Variants in CDK17 observed in about 807,000 individuals in gnomAD.
The protein encoded by CDK17 is cyclin dependent kinase 17.
Under a neutral mutation model 77.6 loss-of-function variants are expected in CDK17, and 24 were observed. That is an observed-to-expected ratio of 0.31 (90% CI 0.22 to 0.44). The LOEUF is 0.44. Among genes scored for constraint, CDK17 ranks in the 20% least tolerant of loss-of-function variants. The pLI is 1.00. For synonymous variants in CDK17, 203 were observed against 210.4 expected, an observed-to-expected ratio of 0.96 and a Z score of 0.30; for missense variants, 429 against 622.5, an observed-to-expected ratio of 0.69 and a Z score of 3.31.
chr12:96,392,964 C>T (rs1183453933), intron 1 of CDK17, among the ~76,000 whole-genome samples: 1 of 152,092 alleles, frequency 6.6e-6, no homozygotes, highest in Non-Finnish European at 1.5e-5. Flanking sequence ...ACGGCTAATA[C>T]AATATTGAGG....
chr12:96,385,237 G>A (rs1433356645), intron 1 of CDK17, among the ~76,000 whole-genome samples: 1 of 111,734 alleles, frequency 8.9e-6, no homozygotes. Context: ...GCTTGAACCC[G>A]GGAGGCGGAG....
intron 1 of CDK17, among the ~76,000 whole-genome samples, chr12:96,388,615 T>C (rs1954014263): frequency 6.6e-6 from 1 of 152,234 alleles, no homozygotes. Flanking sequence ...AACAATTTTA[T>C]TACCACTACC....
At chr12:96,291,628 C>CTTTTTTT (rs1164677307) in intron 10 of CDK17, among the ~76,000 whole-genome samples, 7 of 117,774 alleles carry the variant, frequency 5.9e-5, no homozygotes, top group Non-Finnish European at 1.2e-4. Flanking sequence ...ATTCCTTTTG[C>CTTTTTTT]TTTTTTTTTT....
intron 1 of CDK17, among the ~76,000 whole-genome samples, chr12:96,375,331 C>G (rs977043341): frequency 1.2e-4 from 18 of 152,034 alleles, no homozygotes; most frequent in African/African-American, 4.4e-4. Context: ...TCTCTGGCCA[C>G]TCCTCTGCAG....
intron 14 of CDK17, 55 bp downstream of exon 14, chr12:96,283,548 T>C (rs1952205606): frequency 1.9e-6 from 2 of 1,048,370 alleles, no homozygotes; most frequent in East Asian, 2.4e-5. Context: ...ATTCTACACA[T>C]GAAGAAGCTG....
chr12:96,299,526 G>A (rs896281141), intron 6 of CDK17, among the ~76,000 whole-genome samples: 1 of 151,852 alleles, frequency 6.6e-6, no homozygotes, highest in African/African-American at 2.4e-5. Flanking sequence ...GAGTAGCTGG[G>A]ATTACAGGCG....
rs1444688523 is a variant in CDK17 at position 96,283,585 on chromosome 12, C to CT, written c.1365+17dup. 1 of 1,515,824 alleles carries CT rather than the reference C, an allele frequency of 6.6e-7. No homozygotes were observed. Among genetic ancestry groups the CT allele is most frequent in the Non-Finnish European group, 9.1e-7 (1 of 1,093,066 alleles). 93.9% of individuals were successfully genotyped at this position (1,515,824 alleles called of 1,614,324 possible). ...GGCTTAACAACCTATTTAACAATTACTGTAAGAACTGACTTACCTGAAGAA... is the reference window on the plus strand; with the variant it reads ...GGCTTAACAACCTATTTAACAATTACTTGTAAGAACTGACTTACCTGAAGAA... On this transcript the variant is annotated intron_variant, in intron 14 of 16. Coordinates refer to ENST00000261211, the MANE Select transcript of CDK17 (RefSeq NM_002595.5).
At chr12:96,332,753 G>A (rs927125104) in intron 2 of CDK17, among the ~76,000 whole-genome samples, 9 of 152,154 alleles carry the variant, frequency 5.9e-5, no homozygotes, top group African/African-American at 1.9e-4. Context: ...TCAATAGATC[G>A]CCTATTTGCC....
chr12:96,283,522 A>T (rs1952205414), intron 14 of CDK17, 81 bp downstream of exon 14: 1 of 780,574 alleles, frequency 1.3e-6, no homozygotes, highest in Admixed American at 2.1e-5. Context: ...AATACCGAGG[A>T]AGTACTACTG....
rs549713865 is a variant in CDK17, at chr12:96,308,723, G to A, written c.543+2329C>T. On this transcript the variant is annotated intron_variant, in intron 5 of 16. Transcript: ENST00000261211. ...AGCTTGGGTGACAGAGCAGGACTCC[G>A]TCTCCAAAAATAATAATAATAATAA... is the stretch of plus-strand genomic sequence containing the variant. 2.0e-3 allele frequency among the ~76,000 whole-genome samples: 91 copies of A among 45,524 alleles called. 2 individuals are homozygous for A. In the South Asian group the frequency reaches 0.03, roughly 15 times the overall value. The allele number at this position is 45,524 out of a possible 152,430, so 29.9% of individuals were successfully genotyped here.
At chr12:96,280,761 C>A (rs376468932) in intron 16 of CDK17, 47 bp downstream of exon 16, 14 of 1,603,406 alleles carry the variant, frequency 8.7e-6, no homozygotes, top group South Asian at 1.1e-5. Flanking sequence ...CTTGGTTCCA[C>A]GCAAAAATTC....
At position 96,362,846 on chromosome 12, in the gene CDK17, T is replaced by G. The variant is rs1007441292; in HGVS notation, c.-29-27981A>C. On this transcript the variant is annotated intron_variant, in intron 1 of 16. Transcript: ENST00000261211. Reference sequence around the variant, plus strand: ...CAAAGCAGTTTTGGTCTTGGAGGAATGTATTTCACCTATCATTCTGCTGGT... The same window carrying G: ...CAAAGCAGTTTTGGTCTTGGAGGAAGGTATTTCACCTATCATTCTGCTGGT... Among the ~76,000 whole-genome samples, 6 of 152,176 alleles carry G rather than the reference T, an allele frequency of 3.9e-5. 1 individual carries two copies. Among genetic ancestry groups the G allele is most frequent in the Admixed American group, 3.9e-4 (6 of 15,282 alleles).
chr12:96,314,676 TG>T (rs1204440399), intron 3 of CDK17, among the ~76,000 whole-genome samples: 1 of 152,046 alleles, frequency 6.6e-6, no homozygotes, highest in Non-Finnish European at 1.5e-5. Context: ...GCAAGAAGAG[TG>T]TACTAGGAAA....
intron 1 of CDK17, among the ~76,000 whole-genome samples, chr12:96,352,385 A>T (rs1953325040): frequency 6.6e-6 from 1 of 151,704 alleles, no homozygotes. Context: ...GTGGGGCTAG[A>T]GAGAGAGAAA....
chr12:96,358,370 TAAAAAAAAAAAAA>T (rs35899533), intron 1 of CDK17, among the ~76,000 whole-genome samples: 5 of 35,182 alleles, frequency 1.4e-4, no homozygotes, highest in Non-Finnish European at 2.8e-4. Flanking sequence ...TGCAAACTTG[TAAAAAAAAAAAAA>T]AAAAAAAAAA....
intron 2 of CDK17, 112 bp from the exon 3 acceptor site, chr12:96,324,224 G>T: frequency 1.6e-6 from 1 of 630,134 alleles, no homozygotes. Context: ...AGTACATTTA[G>T]CCTCATTGCT....
At chr12:96,368,547 T>C (rs997232042) in intron 1 of CDK17, among the ~76,000 whole-genome samples, 8 of 152,180 alleles carry the variant, frequency 5.3e-5, no homozygotes, top group African/African-American at 1.9e-4. Context: ...TCCTAAAATT[T>C]GAGCACAGGC....
At chr12:96,322,070 G>A (rs1288879468) in intron 3 of CDK17, among the ~76,000 whole-genome samples, 1 of 152,132 alleles carries the variant, frequency 6.6e-6, no homozygotes, top group Non-Finnish European at 1.5e-5. Flanking sequence ...AGTACCATCT[G>A]ACCCAAACAA....
rs370647486 is a variant in CDK17, at chr12:96,397,970, A to T, written c.-30+2016T>A. On this transcript the variant is annotated intron_variant, in intron 1 of 16. Transcript: ENST00000261211. ...CTTTAACGGCAGTGAGCAGCAAGCT[A>T]TGACTGTTCGTACAGTGATATCAAC... Among the ~76,000 whole-genome samples, 30 of 152,352 alleles carry T rather than the reference A, an allele frequency of 2.0e-4. 1 individual carries two copies. The South Asian group carries it at 6.2e-3, about 32-fold the overall frequency.
Sources: gnomAD v4.1 joint callset for allele counts (sites outside exome capture counted in the v4.1 genomes callset) on GRCh38, gnomAD v4.1.1 for gene constraint, MANE v1.5 for transcripts, NCBI Gene and HGNC (gene_info 2026-07-23, HGNC 2026-07-21) for gene names.